PPP2R5C: variants seen among roughly 807,000 people sequenced by gnomAD.
PPP2R5C encodes protein phosphatase 2 regulatory subunit B'gamma.
A neutral mutation model predicts 68.9 loss-of-function variants in PPP2R5C; 7 were observed. The observed-to-expected ratio is 0.10, with a 90% CI of 0.06 to 0.19. The LOEUF (loss-of-function observed/expected upper bound fraction) is 0.19, where lower values mean the gene tolerates loss of function less well. Ranked by LOEUF, PPP2R5C falls within the 10% of genes least tolerant of loss-of-function variation. The pLI is 1.00. For missense variants in PPP2R5C, 348 were observed against 641.3 expected (o/e 0.54, Z 4.94); for synonymous variants, 210 against 222.2 (o/e 0.95, Z 0.49).
At position 101,919,978 on chromosome 14, in the gene PPP2R5C, A is replaced by C. The variant is rs899001804; in HGVS notation, c.1443+2031A>C. Among the ~76,000 whole-genome samples, 123 of 150,124 alleles carry C rather than the reference A, an allele frequency of 8.2e-4. 2 individuals carry two copies. The highest frequency in any genetic ancestry group is 1.5e-3 in the Non-Finnish European group (102 of 67,864). Reference sequence around the variant, plus strand: ...AAGCAAAACTCCGTCTCAAAAAAAAAAAAAAAAAAAAAAACCAATTCTTAC... The same window carrying C: ...AAGCAAAACTCCGTCTCAAAAAAAACAAAAAAAAAAAAAACCAATTCTTAC... On this transcript the variant is annotated intron_variant, in intron 13 of 13. Coordinates refer to ENST00000334743, the Ensembl canonical transcript of PPP2R5C.
intron 3 of PPP2R5C, among the ~76,000 whole-genome samples, chr14:101,789,281 A>C (rs568893819): frequency 2.0e-5 from 3 of 152,372 alleles, no homozygotes; most frequent in African/African-American, 7.2e-5. Context: ...CCATTTCAGT[A>C]AATGGCTTCA....
intron 3 of PPP2R5C, among the ~76,000 whole-genome samples, chr14:101,787,756 G>C (rs2038182896): frequency 7.8e-6 from 1 of 128,622 alleles, no homozygotes. Flanking sequence ...GACAGAGCGA[G>C]ACTCCATCTC....
exon 14 of PPP2R5C, chr14:101,926,428 C>T (rs577944698): frequency 6.5e-6 from 1 of 152,768 alleles, no homozygotes; most frequent in Non-Finnish European, 1.5e-5. Flanking sequence ...TCACATGCTG[C>T]TATATATTCC....
chr14:101,900,471 G>A (rs989625347), intron 8 of PPP2R5C, among the ~76,000 whole-genome samples: 8 of 152,332 alleles, frequency 5.3e-5, no homozygotes, highest in Non-Finnish European at 7.3e-5. Context: ...TAGAAGCCCC[G>A]CGGTGTTGCT....
At chr14:101,858,955 A>G (rs1177088975) in intron 2 of PPP2R5C, among the ~76,000 whole-genome samples, 1 of 152,214 alleles carries the variant, frequency 6.6e-6, no homozygotes, top group Non-Finnish European at 1.5e-5. Context: ...GGCTGTTTTT[A>G]TAGATTAAGT....
exon 14 of PPP2R5C, chr14:101,926,224 T>G (rs994588643): frequency 2.6e-5 from 4 of 152,306 alleles, no homozygotes; most frequent in African/African-American, 9.6e-5. Flanking sequence ...GCAGCGCCTT[T>G]AAGCATAAAG....
intron 3 of PPP2R5C, among the ~76,000 whole-genome samples, chr14:101,793,432 T>C (rs1330890943): frequency 6.6e-6 from 1 of 152,196 alleles, no homozygotes; most frequent in African/African-American, 2.4e-5. Flanking sequence ...ACTGCGTGGG[T>C]GTGGGAACTA....
intron 2 of PPP2R5C, among the ~76,000 whole-genome samples, chr14:101,780,230 CCCT>C (rs2140020241): frequency 6.6e-6 from 1 of 152,270 alleles, no homozygotes; most frequent in African/African-American, 2.4e-5. Flanking sequence ...ATCTCCCCTC[CCCT>C]CCTCCCTTTT....
chr14:101,895,980 A>C (rs1008488610), intron 8 of PPP2R5C, among the ~76,000 whole-genome samples: 2 of 152,040 alleles, frequency 1.3e-5, no homozygotes, highest in Non-Finnish European at 1.5e-5. Flanking sequence ...ACCAGTGCTG[A>C]TGCTGCTGCT....
rs2038656922 is a variant in PPP2R5C, at chr14:101,797,259, T to C, written c.259+11076T>C. On this transcript the variant is annotated intron_variant, in intron 3 of 14. Coordinates refer to the PPP2R5C transcript ENST00000328724. The surrounding 1 kb of genome is among the most constrained non-coding windows in gnomAD (Gnocchi z 4.2). Reference sequence around the variant, plus strand: ...CCAGACCCTCGCTCCCGTCGAAGGCTGATGCCATCCTTCAGTGATGTGTGG... The same window carrying C: ...CCAGACCCTCGCTCCCGTCGAAGGCCGATGCCATCCTTCAGTGATGTGTGG... The C allele has an allele frequency of 2.2e-6, 1 of 456,114 alleles. No individual in the cohort carries two copies. Among genetic ancestry groups the C allele is most frequent in the South Asian group, 1.5e-5 (1 of 64,566 alleles). 28.3% of individuals were successfully genotyped at this position (456,114 alleles called of 1,614,324 possible).
upstream of PPP2R5C, among the ~76,000 whole-genome samples, chr14:101,807,595 A>C (rs1264713320): frequency 3.9e-5 from 6 of 152,206 alleles, no homozygotes; most frequent in Admixed American, 1.3e-4. Flanking sequence ...TTATATTTCC[A>C]ATTCAGAAGT....
At chr14:101,856,687 T>C in exon 2 of PPP2R5C, 1 of 1,613,688 alleles carries the variant, frequency 6.2e-7, no homozygotes, top group African/African-American at 1.3e-5. Flanking sequence ...GCTTTTCAGA[T>C]GTTCCTCCTG....
At chr14:101,786,978 C>G (rs557595891) in intron 3 of PPP2R5C, among the ~76,000 whole-genome samples, 2 of 152,310 alleles carry the variant, frequency 1.3e-5, no homozygotes, top group African/African-American at 4.8e-5. Context: ...AGCAACCAGT[C>G]CAGTGGCTCG....
At chr14:101,766,570 TCTA>T in intron 2 of PPP2R5C, 1 of 152,224 alleles carries the variant, frequency 6.6e-6, no homozygotes, top group East Asian at 1.9e-4. Context: ...TCTAGAAACT[TCTA>T]CTCCTTGAAT....
chr14:101,848,307 C>A (rs1220970738), intron 1 of PPP2R5C, among the ~76,000 whole-genome samples: 1 of 151,824 alleles, frequency 6.6e-6, no homozygotes, highest in African/African-American at 2.4e-5. Context: ...CCAAGGCAGG[C>A]GGATCACAAG....
intron 3 of PPP2R5C, among the ~76,000 whole-genome samples, chr14:101,801,312 C>A (rs2038853015): frequency 6.6e-6 from 1 of 152,128 alleles, no homozygotes; most frequent in African/African-American, 2.4e-5. Context: ...ATCAAAATAT[C>A]ACATGTCCCC....
At chr14:101,829,610 G>A (rs2040612969) in intron 1 of PPP2R5C, among the ~76,000 whole-genome samples, 1 of 152,192 alleles carries the variant, frequency 6.6e-6, no homozygotes, top group African/African-American at 2.4e-5. Flanking sequence ...ATTCCATAAG[G>A]CTGGATATTG....
intron 1 of PPP2R5C, among the ~76,000 whole-genome samples, chr14:101,850,718 G>C (rs2042109147): frequency 6.6e-6 from 1 of 152,226 alleles, no homozygotes; most frequent in African/African-American, 2.4e-5. Flanking sequence ...AGCCCTGCCT[G>C]CACAGACACT....
rs2046772795 is a variant in PPP2R5C, at chr14:101,917,867, C to G, written c.1363C>G (p.Pro455Ala). 1.2e-6 allele frequency: 2 copies of G among 1,613,746 alleles called. No homozygotes were observed. Among genetic ancestry groups the G allele is most frequent in the East Asian group, 4.5e-5 (2 of 44,878 alleles). ...TAGTCAAGCCAGCACCATGAGCATT[C>G]CGGTTGCAATGGAGACAGATGGGCC... The change falls in exon 13 of 14, where the codon CCG becomes GCG. Residue 455 changes from proline (P) to alanine (A), a missense_variant. Coordinates refer to ENST00000334743, the Ensembl canonical transcript of PPP2R5C. The surrounding 1 kb of genome is among the most constrained non-coding windows in gnomAD (Gnocchi z 4.4).
Sources: allele counts gnomAD v4.1 joint callset (sites outside exome capture counted in the v4.1 genomes callset), GRCh38; gene constraint gnomAD v4.1.1; non-coding constraint Gnocchi (gnomAD v3.1); transcripts MANE v1.5; gene names NCBI Gene and HGNC (gene_info 2026-07-23, HGNC 2026-07-21).